The following EHMT1 variants were observed in gnomAD, a reference collection of about 807,000 sequenced individuals.
EHMT1 encodes the protein histone-lysine N-methyltransferase EHMT1.
A neutral mutation model predicts 147.2 loss-of-function variants in EHMT1; 15 were observed. That is an observed-to-expected ratio of 0.10 (90% CI 0.07 to 0.16). EHMT1 has a LOEUF of 0.16. EHMT1 is among the 10% of genes least tolerant of loss of function. EHMT1 has a pLI of 1.00. For synonymous variants in EHMT1, 795 were observed against 709.6 expected (o/e 1.12, Z -1.91); for missense variants, 1,587 against 1,772.4 (o/e 0.90, Z 1.88).
chr9:137,684,481 TTTG>T (rs1383474831), intron 1 of EHMT1, among the ~76,000 whole-genome samples: 7 of 152,180 alleles, frequency 4.6e-5, no homozygotes, highest in African/African-American at 4.8e-5. Context: ...GCCATTATTT[TTTG>T]TTGTTGTTGT....
chr9:137,653,039 A>C (rs961515159), intron 1 of EHMT1, among the ~76,000 whole-genome samples: 25 of 152,112 alleles, frequency 1.6e-4, no homozygotes, highest in Non-Finnish European at 5.9e-5. Flanking sequence ...TAGATGGTGT[A>C]GCCTACGTGT....
intron 1 of EHMT1, among the ~76,000 whole-genome samples, chr9:137,682,537 A>G (rs1942053158): frequency 6.6e-6 from 1 of 152,074 alleles, no homozygotes; most frequent in South Asian, 2.1e-4. Context: ...GGGCTGTGCT[A>G]GAGTTTGCTA....
At chr9:137,811,139 A>G (rs960402472) in intron 18 of EHMT1, among the ~76,000 whole-genome samples, 9 of 152,170 alleles carry the variant, frequency 5.9e-5, no homozygotes, top group African/African-American at 2.2e-4. Flanking sequence ...TCCAAGTGTT[A>G]ATATGTTGAG....
chr9:137,815,905 T>C, intron 22 of EHMT1, 42 bp from the exon 23 acceptor site: 1 of 1,494,712 alleles, frequency 6.7e-7, no homozygotes, highest in South Asian at 1.2e-5. Flanking sequence ...AATTAAAGAG[T>C]GAGTAACCTC....
intron 6 of EHMT1, among the ~76,000 whole-genome samples, chr9:137,748,210 G>T (rs1396993535): frequency 6.6e-6 from 1 of 152,188 alleles, no homozygotes; most frequent in Admixed American, 6.5e-5. Context: ...CGGCTTTGCT[G>T]TGGTGGCTGA....
At position 137,836,095 on chromosome 9, in the gene EHMT1, A is replaced by G. The variant is rs1415723062; in HGVS notation, c.*1142A>G. On this transcript the variant is annotated 3_prime_UTR_variant, in exon 27 of 27. Coordinates refer to ENST00000460843, the MANE Select transcript of EHMT1 (RefSeq NM_024757.5). ...CTGACCATTTCTTGTTCTGTTTCCA[A>G]TGAAATCAATAAAAAAAAAGAAGTA... 2 of 152,442 alleles carry G rather than the reference A, an allele frequency of 1.3e-5. No individual in the cohort carries two copies. Among genetic ancestry groups the G allele is most frequent in the African/African-American group, 2.4e-5 (1 of 41,436 alleles). 9.4% of individuals were successfully genotyped at this position (152,442 alleles called of 1,614,324 possible). A position where few individuals can be genotyped will look rare whatever the true frequency, so the allele number is the denominator to read the frequency against.
At chr9:137,781,224 G>A (rs79165814) in intron 14 of EHMT1, among the ~76,000 whole-genome samples, 271 of 5,718 alleles carry the variant, frequency 0.047, 5 homozygotes, top group East Asian at 0.14. Context: ...GACGACGCTG[G>A]GACGTGTGGT....
chr9:137,655,568 T>C (rs1938355015), intron 1 of EHMT1, among the ~76,000 whole-genome samples: 2 of 152,328 alleles, frequency 1.3e-5, no homozygotes, highest in South Asian at 4.1e-4. Flanking sequence ...GTGTTTTTTA[T>C]GCAGGGGTCC....
In EHMT1 at chr9:137,716,804, A is replaced by C; in HGVS notation, c.264A>C (p.Leu88=). The C allele has an allele frequency of 6.2e-7, 1 of 1,613,308 alleles. No individual in the cohort carries two copies. The highest frequency in any genetic ancestry group is 8.5e-7 in the Non-Finnish European group (1 of 1,179,884). ...RVNPQDGTNT[L]TRIAENGVSE... is the part of the protein sequence containing the mutation. Reference sequence around the variant, plus strand: ...ACCCCCAGGATGGCACCAACACACTAACTCGGATAGCGGAAAATGGGGTTT... The same window carrying C: ...ACCCCCAGGATGGCACCAACACACTCACTCGGATAGCGGAAAATGGGGTTT... Residue 88 remains leucine, a synonymous_variant, in exon 3 of 27, where the codon CTA becomes CTC. Coordinates refer to ENST00000460843, the MANE Select transcript of EHMT1 (RefSeq NM_024757.5).
chr9:137,718,170 C>T (rs1266357559), intron 3 of EHMT1, among the ~76,000 whole-genome samples: 1 of 151,114 alleles, frequency 6.6e-6, no homozygotes, highest in Non-Finnish European at 1.5e-5. Flanking sequence ...CTGATTTTCA[C>T]ACACAGGGCG....
chr9:137,785,603 C>T (rs1951896674), intron 15 of EHMT1: 2 of 152,210 alleles, frequency 1.3e-5, no homozygotes, highest in Admixed American at 1.3e-4. Context: ...TTCCATTCTT[C>T]CTTTTGAGAA....
At position 137,775,324 on chromosome 9, in the gene EHMT1, T is replaced by C; in HGVS notation, c.1791+72T>C. 6.3e-7 allele frequency: 1 copy of C among 1,580,684 alleles called. No individual in the cohort carries two copies. The highest frequency in any genetic ancestry group is 8.5e-7 in the Non-Finnish European group (1 of 1,169,682). Reference sequence around the variant, plus strand: ...GTCTGCTCACTGGTGCTGGTTCCTGTCCTGTGTCCACCTGCTGTCGGGTGG... The same window carrying C: ...GTCTGCTCACTGGTGCTGGTTCCTGCCCTGTGTCCACCTGCTGTCGGGTGG... On this transcript the variant is annotated intron_variant, in intron 11 of 26. Transcript: ENST00000460843. This position sits in a 1 kb window ranked among gnomAD's most constrained non-coding sequence, Gnocchi z 6.1.
In EHMT1 at chr9:137,782,704, G is replaced by A. The variant is rs1362772303; in HGVS notation, c.2382+307G>A. ...GTCCCTCTGGGGGAGCCAAGCACTCGCAGAGGCACGGACGCCCCTCCCCCA... is the reference window on the plus strand; with the variant it reads ...GTCCCTCTGGGGGAGCCAAGCACTCACAGAGGCACGGACGCCCCTCCCCCA... On this transcript the variant is annotated intron_variant, in intron 15 of 26. Transcript: ENST00000460843. The surrounding 1 kb of genome is among the most constrained non-coding windows in gnomAD (Gnocchi z 5.7). 5.3e-5 allele frequency among the ~76,000 whole-genome samples: 8 copies of A among 152,182 alleles called. No homozygotes were observed. The highest frequency in any genetic ancestry group is 8.8e-5 in the Non-Finnish European group (6 of 68,038).
intron 1 of EHMT1, chr9:137,646,317 C>T: frequency 1.0e-6 from 1 of 983,346 alleles, no homozygotes; most frequent in Non-Finnish European, 1.2e-6. Flanking sequence ...GTGGCATTTC[C>T]TGTCTTTCTG....
At chr9:137,653,602 C>G (rs1938102750) in intron 1 of EHMT1, among the ~76,000 whole-genome samples, 1 of 152,000 alleles carries the variant, frequency 6.6e-6, no homozygotes, top group Non-Finnish European at 1.5e-5. Flanking sequence ...GATCTCAGCT[C>G]ACTGCAACCT....
chr9:137,783,954 T>C, intron 15 of EHMT1: 1 of 434,210 alleles, frequency 2.3e-6, no homozygotes. Context: ...CTAACAGTCT[T>C]GGTATTTTAA....
intron 4 of EHMT1, among the ~76,000 whole-genome samples, chr9:137,734,672 G>A (rs1311226365): frequency 6.6e-6 from 1 of 152,200 alleles, no homozygotes; most frequent in Admixed American, 6.5e-5. Flanking sequence ...AGACACTTCT[G>A]TAGAAAGACA....
intron 6 of EHMT1, chr9:137,747,749 G>C (rs922007094): frequency 6.6e-6 from 1 of 152,224 alleles, no homozygotes; most frequent in Non-Finnish European, 1.5e-5. Context: ...TGACGTACCT[G>C]TGTGGCCACC....
At position 137,792,975 on chromosome 9, in the gene EHMT1, C is replaced by T. The variant is rs574220320; in HGVS notation, c.2505+2005C>T. On this transcript the variant is annotated intron_variant, in intron 16 of 26. Transcript: ENST00000460843. ...GTAGGGAACCTGGCACTAAACCGTC[C>T]GTAGATGACCCGCTTCTGGGTTGGG... is the stretch of plus-strand genomic sequence containing the variant. 7.2e-5 allele frequency among the ~76,000 whole-genome samples: 11 copies of T among 152,294 alleles called. No individual in the cohort carries two copies. The East Asian group carries it at 1.9e-3, about 27-fold the overall frequency.
Sources: gnomAD v4.1 joint callset for allele counts (sites outside exome capture counted in the v4.1 genomes callset) on GRCh38, gnomAD v4.1.1 for gene constraint, Gnocchi (gnomAD v3.1) non-coding constraint, MANE v1.5 for transcripts, NCBI Gene and HGNC (gene_info 2026-07-23, HGNC 2026-07-21) for gene names.